PFKFB3: variants seen among roughly 807,000 people sequenced by gnomAD.
PFKFB3 encodes the protein 6-phosphofructo-2-kinase/fructose-2,6-biphosphatase 3.
A neutral mutation model predicts 68.0 loss-of-function variants in PFKFB3; 33 were observed. The observed-to-expected ratio is 0.49, with a 90% CI of 0.37 to 0.65. PFKFB3 has a LOEUF of 0.65. Ranked by LOEUF, PFKFB3 falls within the 30% of genes least tolerant of loss-of-function variation. PFKFB3 has a pLI of 0.00. For synonymous variants in PFKFB3, 315 were observed against 288.2 expected (o/e 1.09, Z -0.94); for missense variants, 586 against 712.2 (o/e 0.82, Z 2.02).
At chr10:6,183,982 G>A (rs542609565) in intron 1 of PFKFB3, among the ~76,000 whole-genome samples, 34 of 151,730 alleles carry the variant, frequency 2.2e-4, no homozygotes, top group East Asian at 3.9e-4. Flanking sequence ...GAGCCACCGC[G>A]CCTGGCCTCA....
At chr10:6,173,703 A>G (rs1842378472) in intron 1 of PFKFB3, among the ~76,000 whole-genome samples, 1 of 151,602 alleles carries the variant, frequency 6.6e-6, no homozygotes, top group African/African-American at 2.4e-5. Context: ...TTTTTTTGGG[A>G]GAGAAGCAGA....
At position 6,173,929 on chromosome 10, in the gene PFKFB3, G is replaced by A. The variant is rs375076315; in HGVS notation, c.16+28916G>A. ...GTGGACGCAAACGGGAGGCGGGGAG[G>A]AAGAGATGGGGAGTGAGGGCCTGTG... On this transcript the variant is annotated intron_variant, in intron 1 of 14. Coordinates refer to the PFKFB3 transcript ENST00000379789. Among the ~76,000 whole-genome samples the A allele has an allele frequency of 3.9e-5, 6 of 152,182 alleles. 1 individual carries two copies. The highest frequency in any genetic ancestry group is 1.4e-4 in the African/African-American group (6 of 41,510).
downstream of PFKFB3, among the ~76,000 whole-genome samples, chr10:6,238,977 C>A (rs564492369): frequency 2.6e-5 from 4 of 152,220 alleles, no homozygotes; most frequent in South Asian, 8.3e-4. Flanking sequence ...CATTGATGGG[C>A]ATTTGGGTTG....
chr10:6,308,465 A>G, the PFKFB3 span, among the ~76,000 whole-genome samples: 11 of 152,316 alleles, frequency 7.2e-5, no homozygotes, highest in East Asian at 1.3e-3. Flanking sequence ...GCAATGAGCC[A>G]AGATCATGCC....
At chr10:6,287,817 TTAAGAA>T in the PFKFB3 span, among the ~76,000 whole-genome samples, 5,814 of 152,284 alleles carry the variant, frequency 0.038, 359 homozygotes, top group African/African-American at 0.13. Flanking sequence ...GTTAGATCAA[TTAAGAA>T]TAAGAAAAAT....
chr10:6,312,925 A>AAAGACC, the PFKFB3 span, among the ~76,000 whole-genome samples: 119,153 of 151,454 alleles, frequency 0.79, 47,169 homozygotes, highest in Non-Finnish European at 0.82. Context: ...AGTGACTGGA[A>AAAGACC]AAGAAACAGA....
At chr10:6,309,977 A>G in the PFKFB3 span, among the ~76,000 whole-genome samples, 1 of 152,240 alleles carries the variant, frequency 6.6e-6, no homozygotes. Context: ...GTAAGCTAAT[A>G]TATTCTGAAC....
In PFKFB3 at chr10:6,228,828, C is replaced by T. The variant is rs1465149083; in HGVS notation, c.1515+2463C>T. Among the ~76,000 whole-genome samples the T allele has an allele frequency of 6.6e-5, 10 of 152,276 alleles. No homozygotes were observed. Among genetic ancestry groups the T allele is most frequent in the East Asian group, 3.9e-4 (2 of 5,166 alleles). ...GCCTGCTCAGCGTCATAGTCACGCC[C>T]GGGGCTGGGTGCAGCCTCCATCTCT... On this transcript the variant is annotated intron_variant, in intron 14 of 14. Coordinates refer to ENST00000379775, the MANE Select transcript of PFKFB3 (RefSeq NM_004566.4). The surrounding 1 kb of genome is among the most constrained non-coding windows in gnomAD (Gnocchi z 4.5).
the PFKFB3 span, among the ~76,000 whole-genome samples, chr10:6,306,139 T>A: frequency 1.3e-5 from 2 of 152,170 alleles, no homozygotes; most frequent in Non-Finnish European, 2.9e-5. Context: ...GCTTAAGTGA[T>A]CCTCCCGCCT....
Position 6,210,909 on chromosome 10 carries a change from C to T in PFKFB3, c.77-2714C>T, listed in dbSNP as rs12779252. Among the ~76,000 whole-genome samples, 2 of 52,212 alleles carry T rather than the reference C, an allele frequency of 3.8e-5. 1 individual carries two copies. Among genetic ancestry groups the T allele is most frequent in the African/African-American group, 8.0e-5 (2 of 24,968 alleles). The allele number at this position is 52,212 out of a possible 152,430, so 34.3% of individuals were successfully genotyped here. A position where few individuals can be genotyped will look rare whatever the true frequency, so the allele number is the denominator to read the frequency against. On this transcript the variant is annotated intron_variant, in intron 1 of 14. Coordinates refer to ENST00000379775, the MANE Select transcript of PFKFB3 (RefSeq NM_004566.4). ...GTGTTTTTAATAGACGGGGTTTCGCCGTGTTAGCCAGGATAGTCTTGATCT... is the reference window on the plus strand; with the variant it reads ...GTGTTTTTAATAGACGGGGTTTCGCTGTGTTAGCCAGGATAGTCTTGATCT...
intron 14 of PFKFB3, chr10:6,254,086 C>T (rs1262390223): frequency 2.6e-6 from 1 of 381,912 alleles, no homozygotes; most frequent in African/African-American, 2.2e-5. Flanking sequence ...CATCCATGTA[C>T]TTTCAGATGG....
chr10:6,204,596 C>A (rs141088682), intron 1 of PFKFB3, among the ~76,000 whole-genome samples: 4,528 of 152,318 alleles, frequency 0.03, 82 homozygotes, highest in Middle Eastern at 0.045. Context: ...GGGTAGCCCT[C>A]AGGAGAGGTC....
intron 1 of PFKFB3, among the ~76,000 whole-genome samples, chr10:6,173,122 C>T (rs1390490714): frequency 1.3e-5 from 2 of 152,218 alleles, no homozygotes; most frequent in African/African-American, 4.8e-5. Flanking sequence ...TTGTCTACTT[C>T]GGGAACTCTC....
At chr10:6,247,794 G>C (rs1202205068) in intron 14 of PFKFB3, among the ~76,000 whole-genome samples, 1 of 152,236 alleles carries the variant, frequency 6.6e-6, no homozygotes, top group East Asian at 1.9e-4. Context: ...TAAATCAATA[G>C]TCTCAAAGAA....
At chr10:6,289,609 CT>C in the PFKFB3 span, among the ~76,000 whole-genome samples, 1 of 150,832 alleles carries the variant, frequency 6.6e-6, no homozygotes, top group East Asian at 1.9e-4. Context: ...TTACTGTAGC[CT>C]TGTAGTATAG....
chr10:6,179,714 C>T (rs900794672), intron 1 of PFKFB3, among the ~76,000 whole-genome samples: 3 of 152,238 alleles, frequency 2.0e-5, no homozygotes, highest in East Asian at 1.9e-4. Context: ...GCCAAGGCTG[C>T]GGCAGCTCAG....
chr10:6,261,090 A>G, the PFKFB3 span, among the ~76,000 whole-genome samples: 3 of 152,240 alleles, frequency 2.0e-5, no homozygotes, highest in Non-Finnish European at 4.4e-5. Context: ...ATCTGATGGT[A>G]CGTAGTGGTG....
At chr10:6,254,586 A>G in exon 15 of PFKFB3, 1 of 374,988 alleles carries the variant, frequency 2.7e-6, no homozygotes, top group Non-Finnish European at 4.7e-6. Flanking sequence ...TCGAGTTCCC[A>G]TACAACCATT....
At chr10:6,309,271 T>C in the PFKFB3 span, among the ~76,000 whole-genome samples, 1 of 152,158 alleles carries the variant, frequency 6.6e-6, no homozygotes, top group East Asian at 1.9e-4. Context: ...ATAAGAGTAT[T>C]ATAATTTTTT....
Sources: allele counts gnomAD v4.1 joint callset (sites outside exome capture counted in the v4.1 genomes callset), GRCh38; gene constraint gnomAD v4.1.1; non-coding constraint Gnocchi (gnomAD v3.1); transcripts MANE v1.5; gene names NCBI Gene and HGNC (gene_info 2026-07-23, HGNC 2026-07-21).